TSPAN5: variants seen among roughly 807,000 people sequenced by gnomAD.
TSPAN5 encodes the protein tetraspanin 5.
TSPAN5 carries 10 observed loss-of-function variants against 37.1 expected under a neutral mutation model. That is an observed-to-expected ratio of 0.27 (90% CI 0.17 to 0.46). The LOEUF (loss-of-function observed/expected upper bound fraction) is 0.46. Among genes scored for constraint, TSPAN5 ranks in the 20% least tolerant of loss-of-function variants. TSPAN5 has a pLI of 1.00. For missense variants in TSPAN5, 195 were observed against 326.6 expected (o/e 0.60, Z 3.11); for synonymous variants, 110 against 118.9 (o/e 0.93, Z 0.48).
chr4:98,542,098 C>A (rs1350861627), intron 1 of TSPAN5, among the ~76,000 whole-genome samples: 2 of 152,164 alleles, frequency 1.3e-5, no homozygotes, highest in Admixed American at 6.5e-5. Flanking sequence ...TAACTTCCCT[C>A]ATCTGTGTAA....
rs533771256 is a variant in TSPAN5 at position 98,489,816 on chromosome 4, G to A, written c.133-2932C>T. 5.3e-4 allele frequency among the ~76,000 whole-genome samples: 80 copies of A among 152,232 alleles called. 1 individual carries two copies. Among genetic ancestry groups the A allele is most frequent in the African/African-American group, 1.9e-3 (77 of 41,526 alleles). On this transcript the variant is annotated intron_variant, in intron 2 of 7. Coordinates refer to ENST00000305798, the MANE Select transcript of TSPAN5 (RefSeq NM_005723.4). ...CCCAAGATTCCATTCCTTGGAATCC[G>A]TGAGGCCAAGAACCCCAGGTCAGAG... is the stretch of plus-strand genomic sequence containing the variant.
At chr4:98,587,790 G>A (rs1300465876) in intron 1 of TSPAN5, among the ~76,000 whole-genome samples, 2 of 152,144 alleles carry the variant, frequency 1.3e-5, no homozygotes, top group Non-Finnish European at 2.9e-5. Flanking sequence ...TCAGGAGGCT[G>A]GGGCAGGGGA....
At chr4:98,587,707 G>C (rs1376479219) in intron 1 of TSPAN5, among the ~76,000 whole-genome samples, 1 of 152,100 alleles carries the variant, frequency 6.6e-6, no homozygotes, top group Admixed American at 6.5e-5. Context: ...GACCAATATG[G>C]TGAAACCCTG....
intron 1 of TSPAN5, among the ~76,000 whole-genome samples, chr4:98,637,342 T>C (rs575132628): frequency 6.6e-6 from 1 of 152,276 alleles, no homozygotes; most frequent in South Asian, 2.1e-4. Context: ...CTCCCACAGA[T>C]ACTTCCCCAT....
At chr4:98,524,705 C>G (rs1753924453) in intron 1 of TSPAN5, among the ~76,000 whole-genome samples, 1 of 151,602 alleles carries the variant, frequency 6.6e-6, no homozygotes, top group Non-Finnish European at 1.5e-5. Context: ...AATAAGGAAG[C>G]TTGTCTGAGA....
chr4:98,483,123 G>A (rs758851982), intron 3 of TSPAN5: 1 of 152,186 alleles, frequency 6.6e-6, no homozygotes, highest in Non-Finnish European at 1.5e-5. Context: ...AATAGATTAT[G>A]AGAAATGAGC....
chr4:98,617,168 G>A (rs913720128), intron 1 of TSPAN5, among the ~76,000 whole-genome samples: 6 of 152,016 alleles, frequency 3.9e-5, no homozygotes, highest in Non-Finnish European at 8.8e-5. Flanking sequence ...TTACACAGAA[G>A]TAATATTTGT....
At chr4:98,621,794 C>CA (rs1399359719) in intron 1 of TSPAN5, among the ~76,000 whole-genome samples, 3 of 151,132 alleles carry the variant, frequency 2.0e-5, no homozygotes, top group Non-Finnish European at 4.4e-5. Flanking sequence ...TCCCACCCCC[C>CA]CCGCAGCCCC....
chr4:98,653,719 C>T (rs953554026), intron 1 of TSPAN5, among the ~76,000 whole-genome samples: 3 of 151,992 alleles, frequency 2.0e-5, no homozygotes, highest in Non-Finnish European at 2.9e-5. Context: ...GATATTATGC[C>T]GAATAAAACA....
intron 1 of TSPAN5, among the ~76,000 whole-genome samples, chr4:98,621,487 C>T (rs1301760676): frequency 2.6e-5 from 4 of 151,562 alleles, no homozygotes; most frequent in African/African-American, 9.7e-5. Context: ...CCTGCCTCAG[C>T]CTCCCGAGTA....
chr4:98,656,834 G>C (rs1271854437), intron 1 of TSPAN5, among the ~76,000 whole-genome samples: 1 of 152,162 alleles, frequency 6.6e-6, no homozygotes, highest in African/African-American at 2.4e-5. Flanking sequence ...TGGTAAGAGT[G>C]CGGTACAAAA....
At chr4:98,472,790 A>G (rs1752617423) in intron 7 of TSPAN5, among the ~76,000 whole-genome samples, 1 of 152,240 alleles carries the variant, frequency 6.6e-6, no homozygotes, top group African/African-American at 2.4e-5. Context: ...ATCTAATCAC[A>G]GAACATTTCA....
chr4:98,569,623 G>A (rs1271784256), intron 1 of TSPAN5, among the ~76,000 whole-genome samples: 1 of 152,162 alleles, frequency 6.6e-6, no homozygotes, highest in African/African-American at 2.4e-5. Context: ...GAAAAACAGA[G>A]GAAAATACAA....
intron 1 of TSPAN5, among the ~76,000 whole-genome samples, chr4:98,648,718 C>T (rs571286341): frequency 3.3e-5 from 5 of 151,682 alleles, no homozygotes; most frequent in Non-Finnish European, 7.4e-5. Flanking sequence ...AAATGGTCAC[C>T]GCTCTACACC....
intron 1 of TSPAN5, among the ~76,000 whole-genome samples, chr4:98,588,771 G>A (rs1048754404): frequency 3.9e-5 from 6 of 152,354 alleles, no homozygotes; most frequent in African/African-American, 1.4e-4. Flanking sequence ...TAACTTGTGT[G>A]TGGCCTAGAA....
Position 98,476,182 on chromosome 4 carries a change from A to G in TSPAN5, c.741+7T>C. The G allele has an allele frequency of 6.2e-7, 1 of 1,608,556 alleles. No individual in the cohort carries two copies. The highest frequency in any genetic ancestry group is 8.5e-7 in the Non-Finnish European group (1 of 1,174,934). On this transcript the variant is annotated splice_region_variant and intron_variant, in intron 7 of 7. Transcript: ENST00000305798. Reference sequence around the variant, plus strand: ...CCTGTGATATCCATAAAGGACCCTTATCTTACCTGCAGCAATGCAATGCCT... The same window carrying G: ...CCTGTGATATCCATAAAGGACCCTTGTCTTACCTGCAGCAATGCAATGCCT...
intron 3 of TSPAN5, chr4:98,484,557 T>TAG: frequency 6.6e-6 from 3 of 456,184 alleles, no homozygotes; most frequent in Non-Finnish European, 1.3e-5. Context: ...TTTAGAGAAA[T>TAG]GTGTAGTTTT....
intron 1 of TSPAN5, among the ~76,000 whole-genome samples, chr4:98,572,720 C>G (rs145401093): frequency 6.6e-6 from 1 of 152,368 alleles, no homozygotes; most frequent in African/African-American, 2.4e-5. Context: ...GTGTGCTCCC[C>G]TTTTACCTTC....
chr4:98,604,472 A>T (rs144420362), intron 1 of TSPAN5, among the ~76,000 whole-genome samples: 283 of 152,368 alleles, frequency 1.9e-3, no homozygotes, highest in Non-Finnish European at 2.5e-3. Flanking sequence ...GAGATGAATC[A>T]GCAATGAACT....
Sources: gnomAD v4.1 joint callset for allele counts (sites outside exome capture counted in the v4.1 genomes callset) on GRCh38, gnomAD v4.1.1 for gene constraint, MANE v1.5 for transcripts, NCBI Gene and HGNC (gene_info 2026-07-23, HGNC 2026-07-21) for gene names.